The following CYTIP variants were observed in gnomAD, a reference collection of about 807,000 sequenced individuals.
CYTIP encodes the protein cytohesin-interacting protein.
CYTIP carries 26 observed loss-of-function variants against 43.8 expected under a neutral mutation model. The ratio of observed to expected loss-of-function variants is 0.59; its 90% CI spans 0.44 to 0.82. The LOEUF (loss-of-function observed/expected upper bound fraction) is 0.82. Among genes scored for constraint, CYTIP ranks in the 40% least tolerant of loss-of-function variants. CYTIP has a pLI of 0.00. For missense variants in CYTIP, 426 were observed against 443.1 expected, an observed-to-expected ratio of 0.96 and a Z score of 0.35; for synonymous variants, 162 against 162.9, an observed-to-expected ratio of 0.99 and a Z score of 0.04.
rs73968436 is a variant in CYTIP at position 157,422,985 on chromosome 2, A to G, written c.546+4366T>C. Among the ~76,000 whole-genome samples the G allele has an allele frequency of 4.1e-3, 630 of 152,268 alleles. 5 individuals carry two copies. Among genetic ancestry groups the G allele is most frequent in the African/African-American group, 0.014 (601 of 41,584 alleles). ...TATGAAATAGTCATTAGGAAGCATGAAAGATAAATCAAGAAACTATGCCTA... is the reference window on the plus strand; with the variant it reads ...TATGAAATAGTCATTAGGAAGCATGGAAGATAAATCAAGAAACTATGCCTA... On this transcript the variant is annotated intron_variant, in intron 6 of 7. Coordinates refer to ENST00000264192, the MANE Select transcript of CYTIP (RefSeq NM_004288.5).
rs764750203 is a variant in CYTIP at position 157,415,781 on chromosome 2, C to T, written c.976G>A (p.Gly326Arg). 1 of 1,614,210 alleles carries T rather than the reference C, an allele frequency of 6.2e-7. No individual in the cohort carries two copies. The highest frequency in any genetic ancestry group is 1.1e-5 in the South Asian group (1 of 91,086). ...LWEGNLSSMF[G>R]TLPRKSRKGS... ...TTTCTGCTCTTCCGGGGCAGGGTCC[C>T]AAACATGCTTGATAAGTTGCCCTCC... is the stretch of plus-strand genomic sequence containing the variant. Residue 326 changes from glycine to arginine, a missense_variant, in exon 8 of 8, where the codon GGG (glycine) becomes AGG (arginine). Gly to Arg is a moderately radical substitution (Grantham distance 125). Coordinates refer to ENST00000264192, the MANE Select transcript of CYTIP (RefSeq NM_004288.5).
chr2:157,418,516 C>G lies in CYTIP; in HGVS notation c.613+7G>C, dbSNP rs199732380. 173 of 1,583,416 alleles carry G rather than the reference C, an allele frequency of 1.1e-4. 1 individual carries two copies. Among genetic ancestry groups the G allele is most frequent in the Middle Eastern group, 5.1e-4 (3 of 5,934 alleles). ...AGTGTGGTTTCTGAACAGGAAATTG[C>G]ATTTACCATGAAGCAGACGATGTTC... On this transcript the variant is annotated splice_region_variant and intron_variant, in intron 7 of 7. Transcript: ENST00000264192.
chr2:157,434,594 G>GGA (rs1339877136), intron 2 of CYTIP, 104 bp downstream of exon 2: 6 of 654,526 alleles, frequency 9.2e-6, no homozygotes, highest in Non-Finnish European at 1.2e-5. Flanking sequence ...GTGTGTGTGC[G>GGA]TAGAGAGAGA....
In CYTIP at chr2:157,430,663, C is replaced by T; in HGVS notation, c.383-11G>A. 6.2e-7 allele frequency: 1 copy of T among 1,611,852 alleles called. No homozygotes were observed. Among genetic ancestry groups the T allele is most frequent in the Non-Finnish European group, 8.5e-7 (1 of 1,178,028 alleles). On this transcript the variant is annotated splice_polypyrimidine_tract_variant and intron_variant, in intron 4 of 7. Coordinates refer to ENST00000264192, the MANE Select transcript of CYTIP (RefSeq NM_004288.5). ...TTGCAAGGACATCACCTGGGAGATG[C>T]CAAGAAAAATGAGTGTTATGTTGGT...
rs1219422525 is a variant in CYTIP, at chr2:157,415,475, G to C, written c.*202C>G. 1.9e-6 allele frequency: 1 copy of C among 519,096 alleles called. No homozygotes were observed. The highest frequency in any genetic ancestry group is 3.5e-6 in the Non-Finnish European group (1 of 288,022). 32.2% of individuals were successfully genotyped at this position (519,096 alleles called of 1,614,324 possible). ...AATTAACTTATTATTTAGTTTTCCTGTCTGCTTAGAAATTGGCTGTTTAGG... is the reference window on the plus strand; with the variant it reads ...AATTAACTTATTATTTAGTTTTCCTCTCTGCTTAGAAATTGGCTGTTTAGG... On this transcript the variant is annotated 3_prime_UTR_variant, in exon 8 of 8. Coordinates refer to ENST00000264192, the MANE Select transcript of CYTIP (RefSeq NM_004288.5).
At chr2:157,430,107 A>C (rs1685686524) in intron 5 of CYTIP, among the ~76,000 whole-genome samples, 3 of 152,058 alleles carry the variant, frequency 2.0e-5, no homozygotes, top group Non-Finnish European at 4.4e-5. Context: ...AGGGTTGAAC[A>C]GACTATTCTT....
chr2:157,427,171 T>C (rs111622794), intron 6 of CYTIP, among the ~76,000 whole-genome samples, 180 bp downstream of exon 6: 3 of 152,330 alleles, frequency 2.0e-5, no homozygotes, highest in African/African-American at 7.2e-5. Flanking sequence ...TGATTTACAC[T>C]GGTTTGCAGA....
intron 7 of CYTIP, among the ~76,000 whole-genome samples, chr2:157,416,492 C>A (rs1159397044): frequency 6.6e-6 from 1 of 152,142 alleles, no homozygotes; most frequent in Admixed American, 6.5e-5. Flanking sequence ...ATTTAAATAA[C>A]CCTGAAACCT....
chr2:157,432,782 G>A (rs936334094), intron 3 of CYTIP, among the ~76,000 whole-genome samples: 2 of 152,114 alleles, frequency 1.3e-5, no homozygotes, highest in African/African-American at 4.8e-5. Flanking sequence ...TTTTCAAAAA[G>A]TTCCCAGAAG....
At chr2:157,430,681 A>G (rs993053789) in intron 4 of CYTIP, 29 bp from the exon 5 acceptor site, 10 of 1,597,030 alleles carry the variant, frequency 6.3e-6, no homozygotes, top group Non-Finnish European at 8.6e-6. Flanking sequence ...AATGAGTGTT[A>G]TGTTGGTTAG....
chr2:157,427,501 AG>A, intron 5 of CYTIP, 81 bp from the exon 6 acceptor site: 1 of 1,007,232 alleles, frequency 9.9e-7, no homozygotes, highest in Non-Finnish European at 1.5e-6. Flanking sequence ...ACCATACTAC[AG>A]AGTACTACAC....
intron 6 of CYTIP, among the ~76,000 whole-genome samples, chr2:157,421,958 T>A (rs1685527968): frequency 6.6e-6 from 1 of 152,218 alleles, no homozygotes; most frequent in South Asian, 2.1e-4. Context: ...ATGGTTTAAA[T>A]ACACCTATCT....
At chr2:157,432,570 T>C (rs1685728846) in intron 3 of CYTIP, among the ~76,000 whole-genome samples, 1 of 152,098 alleles carries the variant, frequency 6.6e-6, no homozygotes, top group African/African-American at 2.4e-5. Flanking sequence ...CATAAGGCAT[T>C]AGGAGGATAT....
chr2:157,442,472 CAAAA>C (rs35681381), intron 1 of CYTIP, among the ~76,000 whole-genome samples: 8 of 136,184 alleles, frequency 5.9e-5, no homozygotes, highest in Non-Finnish European at 9.5e-5. Flanking sequence ...CAGTCTCCAG[CAAAA>C]AAAAAAAAAA....
intron 1 of CYTIP, among the ~76,000 whole-genome samples, chr2:157,440,091 C>T (rs1165433926): frequency 6.6e-6 from 1 of 152,094 alleles, no homozygotes; most frequent in Non-Finnish European, 1.5e-5. Context: ...GGGGAGGGTG[C>T]GGGGGAGAGG....
intron 7 of CYTIP, among the ~76,000 whole-genome samples, chr2:157,416,681 T>A (rs1685444296): frequency 6.6e-6 from 1 of 152,182 alleles, no homozygotes; most frequent in Admixed American, 6.5e-5. Context: ...AATTCAAAAG[T>A]GTTTCTTAGA....
chr2:157,424,007 T>C (rs1453004931), intron 6 of CYTIP, among the ~76,000 whole-genome samples: 1 of 152,190 alleles, frequency 6.6e-6, no homozygotes, highest in Non-Finnish European at 1.5e-5. Context: ...ATCTGAAAGA[T>C]AGCTCATTCC....
In CYTIP at chr2:157,434,400, C is replaced by T. The variant is rs763487145; in HGVS notation, c.249G>A (p.Gln83=). 2 of 1,613,020 alleles carry T rather than the reference C, an allele frequency of 1.2e-6. No individual in the cohort carries two copies. Among genetic ancestry groups the T allele is most frequent in the South Asian group, 2.2e-5 (2 of 90,918 alleles). Residue 83 remains glutamine (Q), a synonymous_variant, in exon 3 of 8, where the codon CAG becomes CAA. Coordinates refer to ENST00000264192, the MANE Select transcript of CYTIP (RefSeq NM_004288.5). ...SQRKLVTVEK[Q]DNETFGFEIQ... Reference sequence around the variant, plus strand: ...TTTCAAATCCAAATGTTTCATTATCCTGCTTCTCCACAGTAACAAGCTTTC... The same window carrying T: ...TTTCAAATCCAAATGTTTCATTATCTTGCTTCTCCACAGTAACAAGCTTTC...
At chr2:157,417,631 A>C (rs73968434) in intron 7 of CYTIP, among the ~76,000 whole-genome samples, 3,771 of 152,240 alleles carry the variant, frequency 0.025, 150 homozygotes, top group African/African-American at 0.086. Context: ...TGAATTTTTT[A>C]AAAATATTAA....
Sources: gnomAD v4.1 joint callset for allele counts (sites outside exome capture counted in the v4.1 genomes callset) on GRCh38, gnomAD v4.1.1 for gene constraint, MANE v1.5 for transcripts, NCBI Gene and HGNC (gene_info 2026-07-23, HGNC 2026-07-21) for gene names.